CSGALNACT1: variants seen among roughly 807,000 people sequenced by gnomAD.
The protein encoded by CSGALNACT1 is chondroitin sulfate N-acetylgalactosaminyltransferase 1, also known as beta4GalNAcT-1.
CSGALNACT1 carries 52 observed loss-of-function variants against 51.0 expected under a neutral mutation model. The observed-to-expected ratio is 1.02, with a 90% CI of 0.82 to 1.29. The LOEUF is 1.29. Among genes scored for constraint, CSGALNACT1 ranks in the 50% most tolerant of loss-of-function variants. The pLI is 0.00. For missense variants in CSGALNACT1, 935 were observed against 679.2 expected, an observed-to-expected ratio of 1.38 and a Z score of -4.19; for synonymous variants, 341 against 254.4, an observed-to-expected ratio of 1.34 and a Z score of -3.24.
At chr8:19,437,388 G>T (rs528818788) in intron 6 of CSGALNACT1, among the ~76,000 whole-genome samples, 3 of 152,294 alleles carry the variant, frequency 2.0e-5, no homozygotes, top group East Asian at 1.9e-4. Context: ...CCCATCTGGG[G>T]ACCAGGCTAA....
At position 19,427,822 on chromosome 8, in the gene CSGALNACT1, T is replaced by C. The variant is rs554625076; in HGVS notation, c.954-7304A>G. Among the ~76,000 whole-genome samples the C allele has an allele frequency of 2.0e-5, 3 of 151,734 alleles. No individual in the cohort carries two copies. The East Asian group carries it at 5.8e-4, about 29-fold the overall frequency. On this transcript the variant is annotated intron_variant, in intron 6 of 9. Coordinates refer to ENST00000454498, the Ensembl canonical transcript of CSGALNACT1. ...AAGAAAGAAAATTAGAGGGTGGCAA[T>C]CTTAACACCATGCCAAGCCCTCATG...
chr8:19,468,153 G>A (rs780226986), intron 4 of CSGALNACT1, among the ~76,000 whole-genome samples: 1 of 138,928 alleles, frequency 7.2e-6, no homozygotes, highest in Non-Finnish European at 1.6e-5. Flanking sequence ...CCTACTGGAG[G>A]GTCTGGACAG....
At chr8:19,468,382 G>A (rs1207229243) in intron 4 of CSGALNACT1, among the ~76,000 whole-genome samples, 1 of 152,186 alleles carries the variant, frequency 6.6e-6, no homozygotes, top group Non-Finnish European at 1.5e-5. Flanking sequence ...GGCCGACGTG[G>A]AGCGGGACGA....
intron 4 of CSGALNACT1, among the ~76,000 whole-genome samples, chr8:19,459,369 C>A (rs1350254700): frequency 5.9e-5 from 7 of 119,152 alleles, no homozygotes; most frequent in East Asian, 2.5e-4. Context: ...GGCAACAGAG[C>A]GAAACTTTAT....
chr8:19,688,615 C>T (rs1206668818), intron 1 of CSGALNACT1: 1 of 152,220 alleles, frequency 6.6e-6, no homozygotes, highest in Non-Finnish European at 1.5e-5. Context: ...TCCTTCCCTT[C>T]ACCCTATTCT....
intron 3 of CSGALNACT1, among the ~76,000 whole-genome samples, chr8:19,532,423 T>C (rs1005861269): frequency 1.3e-5 from 2 of 152,172 alleles, no homozygotes; most frequent in Non-Finnish European, 2.9e-5. Context: ...TACAAAAGCC[T>C]TTTATGTCTG....
chr8:19,473,677 A>C (rs1210605197), intron 4 of CSGALNACT1, among the ~76,000 whole-genome samples: 1 of 152,248 alleles, frequency 6.6e-6, no homozygotes, highest in African/African-American at 2.4e-5. Flanking sequence ...AAAAGTCAAA[A>C]GTAGTGTCTC....
intron 4 of CSGALNACT1, among the ~76,000 whole-genome samples, chr8:19,462,347 T>TC (rs201697241): frequency 6.6e-6 from 1 of 151,668 alleles, no homozygotes; most frequent in East Asian, 1.9e-4. Flanking sequence ...GAGGAATGAT[T>TC]TTTTTTTCCC....
At chr8:19,472,790 A>T (rs1563594495) in intron 4 of CSGALNACT1, among the ~76,000 whole-genome samples, 1 of 152,180 alleles carries the variant, frequency 6.6e-6, no homozygotes, top group South Asian at 2.1e-4. Context: ...AAGTCTTAAA[A>T]CTCATCTTTG....
intron 1 of CSGALNACT1, among the ~76,000 whole-genome samples, chr8:19,703,815 T>G (rs1028315944): frequency 6.6e-6 from 1 of 152,262 alleles, no homozygotes; most frequent in Non-Finnish European, 1.5e-5. Context: ...TGATTAAGTT[T>G]AGTTCTCTAC....
chr8:19,665,662 G>C (rs2059123243), intron 1 of CSGALNACT1, among the ~76,000 whole-genome samples: 1 of 152,048 alleles, frequency 6.6e-6, no homozygotes, highest in Admixed American at 6.6e-5. Flanking sequence ...ACAGAACTTG[G>C]TTCTGCGACC....
At chr8:19,541,038 C>T (rs2084984646) in intron 3 of CSGALNACT1, among the ~76,000 whole-genome samples, 2 of 152,016 alleles carry the variant, frequency 1.3e-5, no homozygotes, top group Non-Finnish European at 1.5e-5. Context: ...ATAAATTATG[C>T]TCATGATGCA....
chr8:19,619,639 T>A (rs567177067), intron 1 of CSGALNACT1, among the ~76,000 whole-genome samples: 1 of 152,248 alleles, frequency 6.6e-6, no homozygotes, highest in Admixed American at 6.5e-5. Flanking sequence ...TCACATAGGG[T>A]AAGGAAGACG....
At chr8:19,650,536 CA>C (rs1299417861) in intron 1 of CSGALNACT1, among the ~76,000 whole-genome samples, 1 of 152,124 alleles carries the variant, frequency 6.6e-6, no homozygotes, top group Non-Finnish European at 1.5e-5. Context: ...TGGGCACCAA[CA>C]ATATGCTCAG....
chr8:19,494,571 T>A (rs561043452), intron 4 of CSGALNACT1, among the ~76,000 whole-genome samples: 14 of 152,284 alleles, frequency 9.2e-5, no homozygotes, highest in Middle Eastern at 3.4e-3. Context: ...CTAAGTCACA[T>A]CCAATGAACA....
chr8:19,500,545 G>C (rs1333164256), intron 4 of CSGALNACT1, among the ~76,000 whole-genome samples: 1 of 152,102 alleles, frequency 6.6e-6, no homozygotes, highest in Non-Finnish European at 1.5e-5. Flanking sequence ...AAACATGCAG[G>C]ACCTCAAATT....
chr8:19,575,040 A>G (rs566457927), intron 3 of CSGALNACT1, among the ~76,000 whole-genome samples: 27 of 152,098 alleles, frequency 1.8e-4, no homozygotes, highest in Non-Finnish European at 2.8e-4. Flanking sequence ...TCTCAAAAAA[A>G]AAAAAAATTC....
At chr8:19,670,650 C>CAAAAAAAAAAAAAAAAAAAAAAAAA (rs752256046) in intron 1 of CSGALNACT1, among the ~76,000 whole-genome samples, 2 of 92,848 alleles carry the variant, frequency 2.2e-5, no homozygotes, top group African/African-American at 4.2e-5. Flanking sequence ...CTACTGAAGA[C>CAAAAAAAAAAAAAAAAAAAAAAAAA]AAAAAAAAAA....
At chr8:19,476,158 A>G (rs146860390) in intron 4 of CSGALNACT1, among the ~76,000 whole-genome samples, 1 of 152,332 alleles carries the variant, frequency 6.6e-6, no homozygotes, top group East Asian at 1.9e-4. Flanking sequence ...TTTTCAGATG[A>G]TAGTTTAAGA....
Sources: allele counts gnomAD v4.1 joint callset (sites outside exome capture counted in the v4.1 genomes callset), GRCh38; gene constraint gnomAD v4.1.1; transcripts MANE v1.5; gene names NCBI Gene and HGNC (gene_info 2026-07-23, HGNC 2026-07-21).